Variants in ARB2A observed in about 807,000 individuals in gnomAD.
ARB2A encodes cotranscriptional regulator ARB2A.
the ARB2A span, among the ~76,000 whole-genome samples, chr5:93,986,723 C>A: frequency 3.3e-5 from 5 of 152,106 alleles, no homozygotes; most frequent in African/African-American, 1.2e-4. Context: ...ACCCCCAACC[C>A]GGTGCTCTCG....
the ARB2A span, among the ~76,000 whole-genome samples, chr5:93,753,084 AT>A: frequency 2.6e-5 from 4 of 152,216 alleles, no homozygotes; most frequent in Non-Finnish European, 5.9e-5. Flanking sequence ...AGTATCATAT[AT>A]GCTAATATGC....
chr5:93,867,043 G>A, the ARB2A span, among the ~76,000 whole-genome samples: 1 of 151,964 alleles, frequency 6.6e-6, no homozygotes, highest in African/African-American at 2.4e-5. Flanking sequence ...AAAAACATGA[G>A]TTCCTCTTCT....
the ARB2A span, among the ~76,000 whole-genome samples, chr5:93,681,920 T>C: frequency 2.6e-5 from 4 of 152,166 alleles, no homozygotes; most frequent in South Asian, 8.3e-4. Context: ...AAATGTCAAA[T>C]GGTAACTGCT....
chr5:93,681,075 T>C, the ARB2A span, among the ~76,000 whole-genome samples: 24 of 152,278 alleles, frequency 1.6e-4, no homozygotes, highest in Non-Finnish European at 1.0e-4. Context: ...ATGTGTAGTG[T>C]ATCTCCAAGA....
At chr5:93,768,359 G>A in the ARB2A span, among the ~76,000 whole-genome samples, 1 of 151,204 alleles carries the variant, frequency 6.6e-6, no homozygotes, top group Non-Finnish European at 1.5e-5. Flanking sequence ...AAAAAAAACA[G>A]AATTGGTCTT....
the ARB2A span, among the ~76,000 whole-genome samples, chr5:93,633,128 AT>A: frequency 6.6e-6 from 1 of 152,156 alleles, no homozygotes; most frequent in African/African-American, 2.4e-5. Flanking sequence ...GTCATCTTTG[AT>A]TTTTCTCTCT....
the ARB2A span, among the ~76,000 whole-genome samples, chr5:93,808,937 C>T: frequency 6.6e-6 from 1 of 151,844 alleles, no homozygotes; most frequent in Non-Finnish European, 1.5e-5. Context: ...ATAGATACTA[C>T]CAAGCAAATA....
chr5:93,680,962 A>G, the ARB2A span, among the ~76,000 whole-genome samples: 2 of 152,226 alleles, frequency 1.3e-5, no homozygotes, highest in Non-Finnish European at 2.9e-5. Flanking sequence ...TCAGTGGAAC[A>G]CAGTGATATG....
At chr5:93,799,050 G>A in the ARB2A span, among the ~76,000 whole-genome samples, 1 of 152,072 alleles carries the variant, frequency 6.6e-6, no homozygotes, top group Non-Finnish European at 1.5e-5. Flanking sequence ...AATGAAGGTG[G>A]AAACATTCAT....
At chr5:93,855,127 T>C in the ARB2A span, among the ~76,000 whole-genome samples, 1 of 152,282 alleles carries the variant, frequency 6.6e-6, no homozygotes, top group Non-Finnish European at 1.5e-5. Context: ...ACTTGCTTTA[T>C]GAATCTGGGT....
chr5:93,765,832 A>C, the ARB2A span, among the ~76,000 whole-genome samples: 1 of 152,176 alleles, frequency 6.6e-6, no homozygotes, highest in Non-Finnish European at 1.5e-5. Flanking sequence ...ACTGGTACCA[A>C]AACAGAGATA....
chr5:93,857,567 A>G, the ARB2A span, among the ~76,000 whole-genome samples: 150,425 of 152,282 alleles, frequency 0.99, 74,299 homozygotes, highest in East Asian at 1. Context: ...GCGAGACTCC[A>G]TGGGCGTAGG....
the ARB2A span, among the ~76,000 whole-genome samples, chr5:93,884,907 T>C: frequency 1.3e-5 from 2 of 151,570 alleles, no homozygotes; most frequent in Non-Finnish European, 3.0e-5. Flanking sequence ...CACAGATATA[T>C]AGTAAAACTT....
the ARB2A span, among the ~76,000 whole-genome samples, chr5:93,639,093 A>G: frequency 2.0e-5 from 3 of 152,232 alleles, no homozygotes; most frequent in Non-Finnish European, 2.9e-5. Context: ...AATATCACAT[A>G]AAGTCAATTA....
chr5:93,985,567 G>T, the ARB2A span, among the ~76,000 whole-genome samples: 2 of 152,116 alleles, frequency 1.3e-5, no homozygotes, highest in African/African-American at 4.8e-5. Context: ...GGGATTGCAG[G>T]CGCGCGCCGC....
At chr5:94,048,389 AG>A in the ARB2A span, among the ~76,000 whole-genome samples, 6 of 152,040 alleles carry the variant, frequency 3.9e-5, no homozygotes, top group Non-Finnish European at 7.4e-5. Flanking sequence ...GAAATTACTC[AG>A]GGCATTGAAT....
the ARB2A span, chr5:93,737,592 G>A: frequency 2.5e-5 from 4 of 158,260 alleles, no homozygotes; most frequent in Non-Finnish European, 5.5e-5. Context: ...AAAACTTACT[G>A]CAAAGCTACA....
the ARB2A span, among the ~76,000 whole-genome samples, chr5:94,027,787 C>T: frequency 2.6e-5 from 4 of 152,128 alleles, no homozygotes; most frequent in African/African-American, 7.2e-5. Flanking sequence ...CAAATTAAAC[C>T]CAACGAGGGG....
At chr5:93,726,063 T>C in the ARB2A span, among the ~76,000 whole-genome samples, 2 of 152,096 alleles carry the variant, frequency 1.3e-5, no homozygotes, top group African/African-American at 4.8e-5. Context: ...TTCAGAATCA[T>C]AGATTCGAAC....
Sources: gnomAD v4.1 joint callset for allele counts (sites outside exome capture counted in the v4.1 genomes callset) on GRCh38, gnomAD v4.1.1 for gene constraint, MANE v1.5 for transcripts, NCBI Gene and HGNC (gene_info 2026-07-23, HGNC 2026-07-21) for gene names.